GRIK1: variants seen among roughly 807,000 people sequenced by gnomAD.
The protein encoded by GRIK1 is glutamate ionotropic receptor kainate type subunit 1, also known as glutamate receptor ionotropic, kainate 1.
GRIK1 carries 69 observed loss-of-function variants against 105.7 expected under a neutral mutation model. That is an observed-to-expected ratio of 0.65 (90% CI 0.54 to 0.80). The LOEUF (loss-of-function observed/expected upper bound fraction) is 0.80, where lower values mean the gene tolerates loss of function less well. Ranked by LOEUF, GRIK1 falls within the 30% of genes least tolerant of loss-of-function variation. The probability of loss-of-function intolerance (pLI) is 0.00; values close to 1 mark genes in which losing one functional copy is unlikely to be tolerated. For synonymous variants in GRIK1, 438 were observed against 431.3 expected, an observed-to-expected ratio of 1.02 and a Z score of -0.19; for missense variants, 1,109 against 1,167.3, an observed-to-expected ratio of 0.95 and a Z score of 0.73.
intron 16 of GRIK1, among the ~76,000 whole-genome samples, chr21:29,551,509 T>A (rs2090135273): frequency 6.6e-6 from 1 of 152,194 alleles, no homozygotes; most frequent in African/African-American, 2.4e-5. Context: ...TACTTCTCTG[T>A]TAGTAAAGCT....
intron 6 of GRIK1, 91 bp downstream of exon 6, chr21:29,651,027 A>G (rs1203409601): frequency 2.1e-6 from 2 of 957,542 alleles, no homozygotes; most frequent in Non-Finnish European, 3.0e-6. Context: ...CCACTGTAAC[A>G]CTTTTCTCTA....
At chr21:29,922,257 T>C (rs2071217576) in intron 1 of GRIK1, among the ~76,000 whole-genome samples, 1 of 152,132 alleles carries the variant, frequency 6.6e-6, no homozygotes, top group East Asian at 1.9e-4. Context: ...AATAAATGAC[T>C]TATGTCCAAT....
intron 1 of GRIK1, among the ~76,000 whole-genome samples, chr21:29,900,839 TTCTC>T (rs1297761305): frequency 6.6e-6 from 1 of 152,160 alleles, no homozygotes; most frequent in Non-Finnish European, 1.5e-5. Context: ...ATATATATTC[TTCTC>T]AGCACCACAT....
At chr21:29,878,247 C>T (rs2069265598) in intron 1 of GRIK1, among the ~76,000 whole-genome samples, 1 of 152,126 alleles carries the variant, frequency 6.6e-6, no homozygotes, top group Non-Finnish European at 1.5e-5. Context: ...AAGAGGTCAC[C>T]TATAGCCTCA....
In GRIK1 at chr21:29,560,355, CTTTTT is replaced by C. The variant is rs1568813382; in HGVS notation, c.2356+1264_2356+1268del. ...TCTTTCTTTCTTTCTTTCTTTCTTTCTTTTTCTTTCTTCCTTCCTTCCTTCCTTCC... is the reference window on the plus strand; with the variant it reads ...TCTTTCTTTCTTTCTTTCTTTCTTTCCTTTCTTCCTTCCTTCCTTCCTTCC... On this transcript the variant is annotated intron_variant, in intron 15 of 17. Coordinates refer to ENST00000327783, the MANE Select transcript of GRIK1 (RefSeq NM_001330994.2). 3.8e-3 allele frequency among the ~76,000 whole-genome samples: 222 copies of C among 58,724 alleles called. 2 individuals carry two copies. Among genetic ancestry groups the C allele is most frequent in the Non-Finnish European group, 5.3e-3 (164 of 30,696 alleles). The allele number at this position is 58,724 out of a possible 152,430, so 38.5% of individuals were successfully genotyped here.
chr21:29,782,837 A>C (rs957358576), intron 1 of GRIK1, among the ~76,000 whole-genome samples: 54 of 152,164 alleles, frequency 3.5e-4, no homozygotes, highest in African/African-American at 1.2e-3. Context: ...AGTATTACAC[A>C]CGGAGGCTTG....
intron 1 of GRIK1, among the ~76,000 whole-genome samples, chr21:29,923,142 T>C (rs2071244176): frequency 1.3e-5 from 2 of 152,198 alleles, no homozygotes; most frequent in African/African-American, 4.8e-5. Flanking sequence ...GATAGATTTA[T>C]GAAATATAAT....
Position 29,537,332 on chromosome 21 carries a change from C to T in GRIK1, c.2748G>A (p.Gln916=). The T allele has an allele frequency of 1.2e-6, 2 of 1,610,286 alleles. No homozygotes were observed. Among genetic ancestry groups the T allele is most frequent in the African/African-American group, 1.3e-5 (1 of 74,674 alleles). ...MEELGISLKN[Q]KKIKKKSRTK... ...TTCTTGACTTTTTCTTTATTTTTTT[C>T]TGATTCTTCAGTGAGATTCCCAGTT... Residue 916 remains glutamine, a synonymous_variant, in exon 18 of 18, where the codon CAG becomes CAA. Coordinates refer to ENST00000327783, the MANE Select transcript of GRIK1 (RefSeq NM_001330994.2).
At chr21:29,899,040 T>C (rs2070288294) in intron 1 of GRIK1, among the ~76,000 whole-genome samples, 1 of 152,170 alleles carries the variant, frequency 6.6e-6, no homozygotes, top group Non-Finnish European at 1.5e-5. Flanking sequence ...CTTATTGTAA[T>C]ACAACATATC....
rs1352947238 is a variant in GRIK1, at chr21:29,693,973, G to T, written c.209C>A (p.Thr70Asn). 1 of 1,611,896 alleles carries T rather than the reference G, an allele frequency of 6.2e-7. No homozygotes were observed. The highest frequency in any genetic ancestry group is 1.7e-5 in the Admixed American group (1 of 60,018). Residue 70 changes from threonine (T) to asparagine (N), a missense_variant, in exon 2 of 18, where the codon ACC (threonine) becomes AAC (asparagine). This residue lies in a region of GRIK1 where 612 missense variants were observed against 586.0 expected (regional missense o/e 1.04). Coordinates refer to ENST00000327783, the MANE Select transcript of GRIK1 (RefSeq NM_001330994.2). ...FAVTSINRNR[T>N]LMPNTTLTYD... ...GGTTAATGTGGTGTTAGGCATCAGG[G>T]TTCGGTTTCTGTTAATGCTGGTGAC...
chr21:29,925,342 T>G (rs2071329346), intron 1 of GRIK1, among the ~76,000 whole-genome samples: 1 of 152,222 alleles, frequency 6.6e-6, no homozygotes, highest in Admixed American at 6.5e-5. Context: ...CGTCCACTTT[T>G]GGCATCTTTT....
intron 1 of GRIK1, among the ~76,000 whole-genome samples, chr21:29,865,515 G>A (rs2068774130): frequency 6.6e-6 from 1 of 151,870 alleles, no homozygotes; most frequent in African/African-American, 2.4e-5. Context: ...ACAATGAAAT[G>A]TGTAAACACA....
intron 14 of GRIK1, among the ~76,000 whole-genome samples, chr21:29,567,013 A>C (rs2090626601): frequency 6.6e-6 from 1 of 152,242 alleles, no homozygotes; most frequent in Non-Finnish European, 1.5e-5. Flanking sequence ...TCTTTCTATT[A>C]TAGCCAGAGC....
In GRIK1 at chr21:29,781,481, C is replaced by T. The variant is rs77480536; in HGVS notation, c.119-87418G>A. Among the ~76,000 whole-genome samples, 633 of 152,268 alleles carry T rather than the reference C, an allele frequency of 4.2e-3. 6 individuals are homozygous for T. Among genetic ancestry groups the T allele is most frequent in the African/African-American group, 0.015 (620 of 41,544 alleles). On this transcript the variant is annotated intron_variant, in intron 1 of 17. Transcript: ENST00000327783. ...TTGTATTTCCCACTCTCATTACTCT[C>T]TTCCCCACCCCAAGCTGGTGAACAT...
chr21:29,560,558 T>C (rs572133174), intron 15 of GRIK1, among the ~76,000 whole-genome samples: 8 of 121,732 alleles, frequency 6.6e-5, no homozygotes, highest in East Asian at 2.2e-4. Context: ...CTTTCTTTCT[T>C]TCTTTCTTTC....
chr21:29,617,225 A>G (rs1376042983), intron 7 of GRIK1, among the ~76,000 whole-genome samples: 2 of 152,228 alleles, frequency 1.3e-5, no homozygotes, highest in African/African-American at 4.8e-5. Flanking sequence ...GCAATCGAAG[A>G]GTTGCTGCCT....
At chr21:29,627,714 T>G (rs2062164204) in intron 7 of GRIK1, among the ~76,000 whole-genome samples, 1 of 152,212 alleles carries the variant, frequency 6.6e-6, no homozygotes, top group South Asian at 2.1e-4. Context: ...GAATTCCCTA[T>G]TGGCCTGTGA....
At chr21:29,642,083 C>A (rs1410168224) in intron 7 of GRIK1, among the ~76,000 whole-genome samples, 1 of 152,156 alleles carries the variant, frequency 6.6e-6, no homozygotes, top group Non-Finnish European at 1.5e-5. Context: ...CTCCAAAGAG[C>A]CTTATTTCTT....
intron 15 of GRIK1, among the ~76,000 whole-genome samples, chr21:29,559,835 G>A (rs1164175898): frequency 1.3e-5 from 2 of 151,960 alleles, no homozygotes; most frequent in African/African-American, 4.8e-5. Context: ...TTAGAAAATG[G>A]AATATTCCAC....
Sources: gnomAD v4.1 joint callset for allele counts (sites outside exome capture counted in the v4.1 genomes callset) on GRCh38, gnomAD v4.1.1 for gene constraint, gnomAD v4.1.1 regional missense constraint, MANE v1.5 for transcripts, NCBI Gene and HGNC (gene_info 2026-07-23, HGNC 2026-07-21) for gene names.